CSMD2: variants seen among roughly 807,000 people sequenced by gnomAD.
The protein encoded by CSMD2 is CUB and sushi domain-containing protein 2.
Under a neutral mutation model 398.5 loss-of-function variants are expected in CSMD2, and 130 were observed. The ratio of observed to expected loss-of-function variants is 0.33; its 90% CI spans 0.28 to 0.38. The LOEUF (loss-of-function observed/expected upper bound fraction) is 0.38. Among genes scored for constraint, CSMD2 ranks in the 10% least tolerant of loss-of-function variants. The pLI is 1.00. For synonymous variants in CSMD2, 1,828 were observed against 1,908.5 expected (o/e 0.96, Z 1.10); for missense variants, 3,829 against 4,764.9 (o/e 0.80, Z 5.78).
At chr1:33,609,626 T>C (rs867138958) in intron 41 of CSMD2, among the ~76,000 whole-genome samples, 2 of 152,242 alleles carry the variant, frequency 1.3e-5, no homozygotes, top group South Asian at 4.1e-4. Flanking sequence ...TATTTTTCTT[T>C]TTTTAAAAGA....
intron 47 of CSMD2, 32 bp from the exon 48 acceptor site, chr1:33,580,931 A>C (rs760249007): frequency 1.2e-6 from 2 of 1,609,856 alleles, no homozygotes. Context: ...ATTACAGACC[A>C]TGGGAGCCAT....
intron 5 of CSMD2, among the ~76,000 whole-genome samples, chr1:33,891,200 C>G (rs1357836367): frequency 1.2e-5 from 1 of 82,152 alleles, no homozygotes; most frequent in African/African-American, 3.6e-5. Flanking sequence ...AACAAATTTA[C>G]AAGAAAAAAA....
rs186697697 is a variant in CSMD2 at position 33,846,913 on chromosome 1, C to T, written c.1004G>A (p.Arg335Gln). Reference sequence around the variant, plus strand: ...GTATTGGGCACTGAATCCGCGCTGCCGGTGGTTGCCATCCGATGTGAAGTG... The same window carrying T: ...GTATTGGGCACTGAATCCGCGCTGCTGGTGGTTGCCATCCGATGTGAAGTG... ...RLHFTSDGNH[R>Q]QRGFSAQYQV... Residue 335 changes from arginine (R) to glutamine (Q), a missense_variant, in exon 6 of 71, where the codon CGG becomes CAG. Transcript: ENST00000373381. The T allele has an allele frequency of 1.8e-5, 29 of 1,609,024 alleles. No homozygotes were observed. The highest frequency in any genetic ancestry group is 1.5e-4 in the African/African-American group (11 of 74,820).
At chr1:33,623,047 T>C (rs1254866663) in intron 36 of CSMD2, among the ~76,000 whole-genome samples, 1 of 152,206 alleles carries the variant, frequency 6.6e-6, no homozygotes, top group Non-Finnish European at 1.5e-5. Context: ...AAGGCTTCCA[T>C]TTATATGAAA....
upstream of CSMD2, chr1:34,165,823 C>G (rs764074484): frequency 6.2e-7 from 1 of 1,613,324 alleles, no homozygotes; most frequent in South Asian, 1.1e-5. Context: ...TTCACAATAG[C>G]CTCCTACCCC....
At chr1:33,855,005 T>C (rs1051057591) in intron 5 of CSMD2, among the ~76,000 whole-genome samples, 1 of 152,144 alleles carries the variant, frequency 6.6e-6, no homozygotes, top group Non-Finnish European at 1.5e-5. Flanking sequence ...GGGTAAGGTG[T>C]TTCCTGCCTC....
intron 15 of CSMD2, among the ~76,000 whole-genome samples, chr1:33,734,858 T>G (rs1168603102): frequency 6.6e-6 from 1 of 152,104 alleles, no homozygotes; most frequent in Admixed American, 6.6e-5. Context: ...TTTTTTTGTG[T>G]GTATTTCTTG....
intron 3 of CSMD2, among the ~76,000 whole-genome samples, chr1:34,023,003 CTTT>C (rs1382427927): frequency 6.6e-6 from 1 of 151,958 alleles, no homozygotes; most frequent in Non-Finnish European, 1.5e-5. Flanking sequence ...AGCTAATTTT[CTTT>C]TTAATATTTT....
At chr1:33,594,947 C>T (rs1422374475) in intron 44 of CSMD2, among the ~76,000 whole-genome samples, 1 of 152,168 alleles carries the variant, frequency 6.6e-6, no homozygotes, top group African/African-American at 2.4e-5. Flanking sequence ...GCAAGTAAGT[C>T]GCCAACATGT....
intron 5 of CSMD2, among the ~76,000 whole-genome samples, chr1:33,883,741 C>A (rs552796061): frequency 4.6e-5 from 7 of 152,290 alleles, no homozygotes; most frequent in Admixed American, 3.3e-4. Flanking sequence ...GGGACACATG[C>A]CTTGAATTGG....
intron 1 of CSMD2, among the ~76,000 whole-genome samples, chr1:34,128,353 G>A (rs933248123): frequency 6.6e-6 from 1 of 152,172 alleles, no homozygotes; most frequent in Admixed American, 6.5e-5. Flanking sequence ...AGAATTTGTG[G>A]GAATCCCATG....
intron 3 of CSMD2, among the ~76,000 whole-genome samples, chr1:33,940,352 A>G (rs574340144): frequency 6.6e-6 from 1 of 152,256 alleles, no homozygotes; most frequent in African/African-American, 2.4e-5. Context: ...CTGGGGGTTA[A>G]GTCTTCAACA....
intron 29 of CSMD2, among the ~76,000 whole-genome samples, chr1:33,639,981 G>C (rs1239638089): frequency 1.3e-5 from 2 of 152,186 alleles, no homozygotes; most frequent in African/African-American, 4.8e-5. Context: ...GGCCAAATGA[G>C]TCTTCCAAGC....
chr1:33,706,193 T>C (rs1330389437), intron 22 of CSMD2, among the ~76,000 whole-genome samples: 2 of 152,206 alleles, frequency 1.3e-5, no homozygotes, highest in African/African-American at 4.8e-5. Flanking sequence ...CGGTTTTTAT[T>C]TAATTTATTC....
chr1:33,782,823 T>C (rs1464002373), intron 12 of CSMD2, among the ~76,000 whole-genome samples: 1 of 152,164 alleles, frequency 6.6e-6, no homozygotes, highest in Non-Finnish European at 1.5e-5. Flanking sequence ...ATGGAGAACT[T>C]CGGATGTCAT....
At position 33,729,722 on chromosome 1, in the gene CSMD2, C is replaced by A. The variant is rs116733335; in HGVS notation, c.2369-3037G>T. Among the ~76,000 whole-genome samples, 1,481 of 151,970 alleles carry A rather than the reference C, an allele frequency of 9.7e-3. 32 individuals are homozygous for A. Among genetic ancestry groups the A allele is most frequent in the African/African-American group, 0.034 (1,418 of 41,416 alleles). ...CTTTCACATTTGAAAAGATGATTGA[C>A]CTCACTCTTAAACATAAAAATACAT... On this transcript the variant is annotated intron_variant, in intron 15 of 70. Coordinates refer to ENST00000373381, the MANE Select transcript of CSMD2 (RefSeq NM_001281956.2).
At chr1:33,947,763 T>C (rs1644882228) in intron 3 of CSMD2, among the ~76,000 whole-genome samples, 1 of 152,226 alleles carries the variant, frequency 6.6e-6, no homozygotes, top group Non-Finnish European at 1.5e-5. Flanking sequence ...CTCATCCTCC[T>C]CACTTCCTCC....
At chr1:33,563,212 T>C (rs572968385) in intron 53 of CSMD2, among the ~76,000 whole-genome samples, 1 of 152,240 alleles carries the variant, frequency 6.6e-6, no homozygotes, top group South Asian at 2.1e-4. Context: ...ATATAGTAGA[T>C]GCTAAGGGAA....
intron 56 of CSMD2, among the ~76,000 whole-genome samples, chr1:33,548,148 C>T (rs1357083906): frequency 6.6e-6 from 1 of 152,172 alleles, no homozygotes; most frequent in Admixed American, 6.5e-5. Context: ...CCTGTACAGC[C>T]TGCAGAACTG....
Sources: gnomAD v4.1 joint callset for allele counts (sites outside exome capture counted in the v4.1 genomes callset) on GRCh38, gnomAD v4.1.1 for gene constraint, MANE v1.5 for transcripts, NCBI Gene and HGNC (gene_info 2026-07-23, HGNC 2026-07-21) for gene names.